The following HDAC9 variants were observed in gnomAD, a reference collection of about 807,000 sequenced individuals.
HDAC9 encodes the protein histone deacetylase 9, also known as MEF-2 interacting transcription repressor (MITR) protein.
A neutral mutation model predicts 139.4 loss-of-function variants in HDAC9; 41 were observed. The observed-to-expected ratio is 0.29, with a 90% CI of 0.23 to 0.38. The LOEUF (loss-of-function observed/expected upper bound fraction) is 0.38, where lower values mean the gene tolerates loss of function less well. Among genes scored for constraint, HDAC9 ranks in the 10% least tolerant of loss-of-function variants. HDAC9 has a pLI of 1.00. For missense variants in HDAC9, 1,147 were observed against 1,297.0 expected (o/e 0.88, Z 1.78); for synonymous variants, 517 against 476.2 (o/e 1.09, Z -1.12).
At chr7:18,417,612 A>T (rs556212591) in intron 1 of HDAC9, among the ~76,000 whole-genome samples, 2 of 152,304 alleles carry the variant, frequency 1.3e-5, no homozygotes, top group African/African-American at 4.8e-5. Context: ...ATCAGGACTA[A>T]TGCAGTGTTT....
intron 16 of HDAC9, among the ~76,000 whole-genome samples, chr7:18,768,773 T>C (rs13241957): frequency 0.53 from 80,714 of 151,962 alleles, 21,586 homozygotes; most frequent in Admixed American, 0.55. Context: ...AGATGATCCC[T>C]GAGTTATGAT....
Position 18,732,846 on chromosome 7 carries a change from CGT to C in HDAC9, c.1909+5094_1909+5095del, listed in dbSNP as rs1230059132. Reference sequence around the variant, plus strand: ...GTATGTGTGCGTATGTGTACACACACGTGTGTATGTGTGCGTATGTGTACACA... The same window carrying C: ...GTATGTGTGCGTATGTGTACACACACGTGTATGTGTGCGTATGTGTACACA... On this transcript the variant is annotated intron_variant, in intron 13 of 25. Transcript: ENST00000686413. Among the ~76,000 whole-genome samples the C allele has an allele frequency of 4.5e-4, 29 of 65,078 alleles. 2 individuals carry two copies. The highest frequency in any genetic ancestry group is 1.8e-3 in the African/African-American group (26 of 14,774). The allele number at this position is 65,078 out of a possible 152,430, so 42.7% of individuals were successfully genotyped here.
At chr7:18,551,173 C>T (rs1181509100) in intron 2 of HDAC9, among the ~76,000 whole-genome samples, 2 of 152,008 alleles carry the variant, frequency 1.3e-5, no homozygotes, top group Non-Finnish European at 1.5e-5. Context: ...TTAGTGTTGC[C>T]AACAACCAAT....
rs1465267600 is a variant in HDAC9, at chr7:18,593,987, G to A, written c.622G>A (p.Gly208Arg). ...TSPSYKYTLPGAQDAKDDFPL... is the reference protein window; with the variant it reads ...TSPSYKYTLPRAQDAKDDFPL... The stretch of plus-strand genomic sequence containing the variant: ...TCCATCCTACAAGTACACATTACCA[G>A]GAGCACAAGATGCAAAGGATGATTT... The change falls in exon 6 of 26, where the codon GGA becomes AGA. Residue 208 changes from glycine (G) to arginine (R), a missense_variant. By Grantham distance (125) the Gly-to-Arg change is moderately radical (BLOSUM62 -2). Transcript: ENST00000686413. 6.2e-7 allele frequency: 1 copy of A among 1,612,758 alleles called. No individual in the cohort carries two copies. The highest frequency in any genetic ancestry group is 2.2e-5 in the East Asian group (1 of 44,864).
At chr7:18,158,072 G>A (rs947501542) in intron 1 of HDAC9, among the ~76,000 whole-genome samples, 2 of 152,170 alleles carry the variant, frequency 1.3e-5, no homozygotes, top group Non-Finnish European at 2.9e-5. Context: ...CTAGCCATGA[G>A]AAAGATATAT....
intron 17 of HDAC9, among the ~76,000 whole-genome samples, chr7:18,821,610 A>G (rs918965693): frequency 6.6e-6 from 1 of 152,216 alleles, no homozygotes; most frequent in South Asian, 2.1e-4. Context: ...TTCAGACACC[A>G]TATGTATGTG....
At chr7:18,264,243 A>G (rs1280120681) in intron 2 of HDAC9, among the ~76,000 whole-genome samples, 1 of 152,218 alleles carries the variant, frequency 6.6e-6, no homozygotes, top group African/African-American at 2.4e-5. Flanking sequence ...CTCAAGGACT[A>G]TTCCAGGCTA....
At chr7:18,168,446 T>C (rs1288591939) in intron 2 of HDAC9, among the ~76,000 whole-genome samples, 1 of 152,206 alleles carries the variant, frequency 6.6e-6, no homozygotes, top group African/African-American at 2.4e-5. Context: ...AAAATCTTGC[T>C]ACCTCTGCAA....
chr7:18,689,607 G>A (rs923090570), intron 12 of HDAC9, among the ~76,000 whole-genome samples: 3 of 151,894 alleles, frequency 2.0e-5, no homozygotes, highest in Admixed American at 1.3e-4. Flanking sequence ...GTTGGCTTAC[G>A]GTTTTACAGC....
intron 11 of HDAC9, among the ~76,000 whole-genome samples, chr7:18,658,549 C>A (rs2129054968): frequency 6.6e-6 from 1 of 152,200 alleles, no homozygotes; most frequent in South Asian, 2.1e-4. Context: ...TGGTATTTTT[C>A]AGTTTAGACT....
At chr7:18,777,288 C>G (rs776626381) in intron 16 of HDAC9, among the ~76,000 whole-genome samples, 6 of 151,978 alleles carry the variant, frequency 3.9e-5, no homozygotes, top group Non-Finnish European at 8.8e-5. Flanking sequence ...CAACACCTGC[C>G]CATTTTCAAG....
intron 12 of HDAC9, among the ~76,000 whole-genome samples, chr7:18,710,568 A>G (rs1471142713): frequency 6.6e-6 from 1 of 152,204 alleles, no homozygotes; most frequent in African/African-American, 2.4e-5. Flanking sequence ...ACGCATAATC[A>G]AAGCCCAAAG....
chr7:18,640,485 T>C lies in HDAC9; in HGVS notation c.913-4186T>C, dbSNP rs543040710. On this transcript the variant is annotated intron_variant, in intron 8 of 25. Transcript: ENST00000686413. ...TTCTTAAGAGTAAGAAAAGTATTTGTTTATCTTCTTCTCTTTCCCTTCCTC... is the reference window on the plus strand; with the variant it reads ...TTCTTAAGAGTAAGAAAAGTATTTGCTTATCTTCTTCTCTTTCCCTTCCTC... Among the ~76,000 whole-genome samples the C allele has an allele frequency of 1.3e-3, 193 of 151,590 alleles. 2 individuals carry two copies. Among genetic ancestry groups the C allele is most frequent in the African/African-American group, 4.4e-3 (181 of 41,334 alleles).
intron 13 of HDAC9, among the ~76,000 whole-genome samples, chr7:18,744,284 G>A (rs778885608): frequency 3.3e-5 from 5 of 151,984 alleles, no homozygotes; most frequent in East Asian, 1.9e-4. Context: ...GAGCCACCGC[G>A]CCCGGCCTTT....
At chr7:18,513,987 T>C (rs920562413) in intron 2 of HDAC9, among the ~76,000 whole-genome samples, 5 of 152,256 alleles carry the variant, frequency 3.3e-5, no homozygotes, top group Admixed American at 2.0e-4. Flanking sequence ...GCTTATGCCA[T>C]GTCTGACTTT....
intron 17 of HDAC9, among the ~76,000 whole-genome samples, chr7:18,815,581 C>A (rs980160605): frequency 6.6e-6 from 1 of 152,230 alleles, no homozygotes; most frequent in African/African-American, 2.4e-5. Context: ...TTAGTCCTGT[C>A]TGTAGCCCCA....
At chr7:18,755,156 G>A (rs1788770951) in intron 14 of HDAC9, among the ~76,000 whole-genome samples, 1 of 152,162 alleles carries the variant, frequency 6.6e-6, no homozygotes, top group South Asian at 2.1e-4. Context: ...AAGTACAAGT[G>A]ATCTAGATTT....
chr7:18,174,849 C>G (rs1788750357), intron 2 of HDAC9, among the ~76,000 whole-genome samples: 1 of 152,158 alleles, frequency 6.6e-6, no homozygotes, highest in Non-Finnish European at 1.5e-5. Context: ...TGGGCACCTG[C>G]CTGTATGAGG....
chr7:18,832,116 GTGT>G (rs1249270995), intron 19 of HDAC9, among the ~76,000 whole-genome samples: 15 of 152,332 alleles, frequency 9.8e-5, no homozygotes, highest in Non-Finnish European at 2.1e-4. Context: ...CAGGGAGCAG[GTGT>G]ACTTGCTTTT....
Sources: gnomAD v4.1 joint callset for allele counts (sites outside exome capture counted in the v4.1 genomes callset) on GRCh38, gnomAD v4.1.1 for gene constraint, MANE v1.5 for transcripts, NCBI Gene and HGNC (gene_info 2026-07-23, HGNC 2026-07-21) for gene names.